VPS26A: variants seen among roughly 807,000 people sequenced by gnomAD.
VPS26A encodes the protein vacuolar protein sorting-associated protein 26A.
VPS26A carries 22 observed loss-of-function variants against 42.4 expected under a neutral mutation model. That is an observed-to-expected ratio of 0.52 (90% confidence interval 0.37 to 0.74). The LOEUF (loss-of-function observed/expected upper bound fraction) is 0.74, where lower values mean the gene tolerates loss of function less well. Among genes scored for constraint, VPS26A ranks in the 30% least tolerant of loss-of-function variants. The probability of loss-of-function intolerance (pLI) is 0.00; values close to 1 mark genes in which losing one functional copy is unlikely to be tolerated. For synonymous variants in VPS26A, 110 were observed against 123.5 expected (o/e 0.89, Z 0.73); for missense variants, 276 against 379.2 (o/e 0.73, Z 2.26).
intron 1 of VPS26A, among the ~76,000 whole-genome samples, chr10:69,127,248 C>G (rs189001252): frequency 6.6e-6 from 1 of 150,568 alleles, no homozygotes; most frequent in East Asian, 2.0e-4. Context: ...GCCTGGCTGA[C>G]TAGTTCATTT....
At chr10:69,168,964 G>A (rs1423258491) in intron 8 of VPS26A, among the ~76,000 whole-genome samples, 1 of 151,010 alleles carries the variant, frequency 6.6e-6, no homozygotes, top group Non-Finnish European at 1.5e-5. Context: ...GTAAAGGTCA[G>A]CAGAATTTCC....
intron 8 of VPS26A, among the ~76,000 whole-genome samples, chr10:69,170,645 T>C (rs1841795968): frequency 6.6e-6 from 1 of 152,074 alleles, no homozygotes; most frequent in African/African-American, 2.4e-5. Flanking sequence ...GGGAAGAGAA[T>C]AATGTTGGTA....
rs773599614 is a variant in VPS26A, at chr10:69,132,895, C to T, written c.4-3C>T. 1.1e-4 allele frequency: 168 copies of T among 1,576,034 alleles called. No homozygotes were observed. Among genetic ancestry groups the T allele is most frequent in the Non-Finnish European group, 1.4e-4 (160 of 1,169,578 alleles). On this transcript the variant is annotated splice_region_variant and splice_polypyrimidine_tract_variant and intron_variant, in intron 1 of 8. Transcript: ENST00000263559. ...AATTATGACCATTTTCATTTTATTT[C>T]AGAGTTTTCTTGGAGGCTTTTTTGG...
At chr10:69,140,435 C>T (rs7091728) in intron 2 of VPS26A, among the ~76,000 whole-genome samples, 6,337 of 152,036 alleles carry the variant, frequency 0.042, 461 homozygotes, top group African/African-American at 0.14. Flanking sequence ...TGCAGTGGCA[C>T]GATTTCAGCT....
intron 2 of VPS26A, among the ~76,000 whole-genome samples, chr10:69,134,214 T>A (rs1840853775): frequency 6.6e-6 from 1 of 152,190 alleles, no homozygotes; most frequent in Non-Finnish European, 1.5e-5. Flanking sequence ...CTGTTAAAAT[T>A]TGGATGTGCT....
In VPS26A at chr10:69,171,304, C is replaced by T. The variant is rs751002328; in HGVS notation, c.*35C>T. The T allele has an allele frequency of 1.9e-6, 3 of 1,577,848 alleles. No individual in the cohort carries two copies. Among genetic ancestry groups the T allele is most frequent in the Non-Finnish European group, 2.6e-6 (3 of 1,159,502 alleles). The stretch of plus-strand genomic sequence containing the variant: ...GAGAAAAAAAGAAAAGCAAAAAACT[C>T]CTGTAACCCTTGAGATTAAGTTCAG... On this transcript the variant is annotated 3_prime_UTR_variant, in exon 9 of 9. Coordinates refer to ENST00000263559, the MANE Select transcript of VPS26A (RefSeq NM_004896.5).
chr10:69,164,358 C>T (rs1447441962), intron 6 of VPS26A, among the ~76,000 whole-genome samples: 2 of 152,028 alleles, frequency 1.3e-5, no homozygotes, highest in Non-Finnish European at 2.9e-5. Context: ...GCTGGGGCCA[C>T]AGGCACATGC....
In VPS26A at chr10:69,124,251, AG is replaced by A. The variant is rs761937604; in HGVS notation, c.-21del. The A allele has an allele frequency of 6.2e-6, 8 of 1,285,056 alleles. No homozygotes were observed. Among genetic ancestry groups the A allele is most frequent in the African/African-American group, 6.1e-5 (4 of 65,512 alleles). 79.6% of individuals were successfully genotyped at this position (1,285,056 alleles called of 1,614,324 possible). A position where few individuals can be genotyped will look rare whatever the true frequency, so the allele number is the denominator to read the frequency against. On this transcript the variant is annotated 5_prime_UTR_variant, in exon 1 of 9. Transcript: ENST00000263559. ...TCTCCTGAGGGAAGAGGAGTGGAGT[AG>A]GGGGGACGCGGCGGCGGCGTTGACA...
At position 69,132,341 on chromosome 10, in the gene VPS26A, G is replaced by GTT. The variant is rs67879780; in HGVS notation, c.4-548_4-547dup. Among the ~76,000 whole-genome samples the GTT allele has an allele frequency of 6.7e-3, 1,001 of 149,148 alleles. 6 individuals are homozygous for GTT. Among genetic ancestry groups the GTT allele is most frequent in the Admixed American group, 0.011 (162 of 15,018 alleles). On this transcript the variant is annotated intron_variant, in intron 1 of 8. Coordinates refer to ENST00000263559, the MANE Select transcript of VPS26A (RefSeq NM_004896.5). ...TATAGCATGCTGAAATTTGTTTAGGGTTTTTTTTTTGGTCTTTTTGGTGGT... is the reference window on the plus strand; with the variant it reads ...TATAGCATGCTGAAATTTGTTTAGGGTTTTTTTTTTTTGGTCTTTTTGGTGGT...
chr10:69,155,946 G>A, intron 3 of VPS26A, 59 bp downstream of exon 3: 6 of 1,338,586 alleles, frequency 4.5e-6, no homozygotes, highest in Non-Finnish European at 6.2e-6. Flanking sequence ...AAGAGGGTTG[G>A]ATTTTGCACC....
chr10:69,144,778 G>T (rs1425607413), intron 2 of VPS26A, among the ~76,000 whole-genome samples: 2 of 151,204 alleles, frequency 1.3e-5, no homozygotes, highest in African/African-American at 2.4e-5. Context: ...CTTGATAAAG[G>T]TGTTTTATAT....
chr10:69,145,109 C>T (rs1409150080), intron 2 of VPS26A, among the ~76,000 whole-genome samples: 1 of 152,044 alleles, frequency 6.6e-6, no homozygotes, highest in African/African-American at 2.4e-5. Context: ...CATCTTGGCT[C>T]ACTGAAACCT....
intron 2 of VPS26A, among the ~76,000 whole-genome samples, chr10:69,151,282 A>AAAAAC (rs71035063): frequency 1.5e-5 from 2 of 136,776 alleles, no homozygotes; most frequent in African/African-American, 3.3e-5. Context: ...AAAAAAAAAA[A>AAAAAC]ACACACACAC....
chr10:69,136,405 C>T (rs1232070002), intron 2 of VPS26A, among the ~76,000 whole-genome samples: 1 of 151,790 alleles, frequency 6.6e-6, no homozygotes, highest in Non-Finnish European at 1.5e-5. Flanking sequence ...GCTGGGATTA[C>T]AGGCACGCGC....
intron 2 of VPS26A, among the ~76,000 whole-genome samples, chr10:69,151,281 A>AC (rs1841307470): frequency 2.0e-5 from 3 of 147,076 alleles, no homozygotes; most frequent in South Asian, 4.4e-4. Context: ...AAAAAAAAAA[A>AC]AACACACACA....
rs1325715078 is a variant in VPS26A, at chr10:69,174,093, G to C, written c.*2824G>C. Among the ~76,000 whole-genome samples, 2 of 152,166 alleles carry C rather than the reference G, an allele frequency of 1.3e-5. No individual in the cohort carries two copies. Among genetic ancestry groups the C allele is most frequent in the Admixed American group, 6.5e-5 (1 of 15,274 alleles). Reference sequence around the variant, plus strand: ...CCCAGCCAGCAGCGGCAACCGGCTCGGGTCCCCCTCCATACTGTGGAAGCT... The same window carrying C: ...CCCAGCCAGCAGCGGCAACCGGCTCCGGTCCCCCTCCATACTGTGGAAGCT... On this transcript the variant is annotated 3_prime_UTR_variant, in exon 9 of 9. Coordinates refer to ENST00000263559, the MANE Select transcript of VPS26A (RefSeq NM_004896.5).
chr10:69,162,309 T>A, intron 5 of VPS26A, 97 bp from the exon 6 acceptor site: 1 of 607,614 alleles, frequency 1.6e-6, no homozygotes, highest in East Asian at 3.2e-5. Flanking sequence ...CTTAAGTAAT[T>A]ATACTAAAGA....
rs1420262876 is a variant in VPS26A at position 69,174,328 on chromosome 10, G to C, written c.*3059G>C. On this transcript the variant is annotated 3_prime_UTR_variant, in exon 9 of 9. Coordinates refer to ENST00000263559, the MANE Select transcript of VPS26A (RefSeq NM_004896.5). ...ATCATGCCACTGCACTGTAGCTTGGGTGACAGAGACACCATGTCTCAAAAA... is the reference window on the plus strand; with the variant it reads ...ATCATGCCACTGCACTGTAGCTTGGCTGACAGAGACACCATGTCTCAAAAA... Among the ~76,000 whole-genome samples the C allele has an allele frequency of 6.6e-6, 1 of 152,194 alleles. No individual in the cohort carries two copies. Among genetic ancestry groups the C allele is most frequent in the East Asian group, 1.9e-4 (1 of 5,200 alleles).
chr10:69,129,153 G>A (rs1268035403), intron 1 of VPS26A, among the ~76,000 whole-genome samples: 1 of 151,844 alleles, frequency 6.6e-6, no homozygotes, highest in African/African-American at 2.4e-5. Context: ...AACTGATTTT[G>A]TTTTCCATCT....
Sources: allele counts gnomAD v4.1 joint callset (sites outside exome capture counted in the v4.1 genomes callset), GRCh38; gene constraint gnomAD v4.1.1; transcripts MANE v1.5; gene names NCBI Gene and HGNC (gene_info 2026-07-23, HGNC 2026-07-21).